Variants in ULK4 observed in about 807,000 individuals in gnomAD.
The protein encoded by ULK4 is unc-51 like kinase 4, also known as inactive serine/threonine-protein kinase ULK4.
A neutral mutation model predicts 160.6 loss-of-function variants in ULK4; 133 were observed. That is an observed-to-expected ratio of 0.83 (90% CI 0.72 to 0.96). The LOEUF (loss-of-function observed/expected upper bound fraction) is 0.96. Ranked by LOEUF, ULK4 falls within the 40% of genes least tolerant of loss-of-function variation. The pLI is 0.00. For missense variants in ULK4, 1,580 were observed against 1,499.5 expected (o/e 1.05, Z -0.89); for synonymous variants, 534 against 539.8 (o/e 0.99, Z 0.15).
At chr3:41,589,960 T>C (rs1003991090) in intron 31 of ULK4, among the ~76,000 whole-genome samples, 4 of 151,240 alleles carry the variant, frequency 2.6e-5, no homozygotes, top group Admixed American at 6.6e-5. Flanking sequence ...GGAAAATGAA[T>C]AGAATGAGAT....
intron 35 of ULK4, among the ~76,000 whole-genome samples, chr3:41,390,304 T>C (rs962891144): frequency 7.9e-5 from 12 of 152,090 alleles, no homozygotes; most frequent in Non-Finnish European, 1.2e-4. Flanking sequence ...TTTGTTGATC[T>C]TTTCAAAAAC....
At chr3:41,712,903 A>C (rs760465784) in intron 25 of ULK4, among the ~76,000 whole-genome samples, 2 of 152,030 alleles carry the variant, frequency 1.3e-5, no homozygotes, top group African/African-American at 4.8e-5. Context: ...AAAAAGAAAA[A>C]AAGCAAAAAA....
chr3:41,506,767 AATAT>A lies in ULK4; in HGVS notation c.3227-43518_3227-43515del, dbSNP rs71075470. Among the ~76,000 whole-genome samples the A allele has an allele frequency of 1.6e-3, 92 of 56,792 alleles. 4 individuals are homozygous for A. The highest frequency in any genetic ancestry group is 5.5e-3 in the African/African-American group (67 of 12,246). The allele number at this position is 56,792 out of a possible 152,430, so 37.3% of individuals were successfully genotyped here. A position where few individuals can be genotyped will look rare whatever the true frequency, so the allele number is the denominator to read the frequency against. ...AGCAATACACTGGAGTGTGATTTAAAATATATATATATATATATATATATATATA... is the reference window on the plus strand; with the variant it reads ...AGCAATACACTGGAGTGTGATTTAAAATATATATATATATATATATATATA... On this transcript the variant is annotated intron_variant, in intron 32 of 36. Coordinates refer to ENST00000301831, the MANE Select transcript of ULK4 (RefSeq NM_017886.4).
At chr3:41,274,999 T>C (rs1417623194) in intron 35 of ULK4, among the ~76,000 whole-genome samples, 2 of 152,240 alleles carry the variant, frequency 1.3e-5, no homozygotes, top group Non-Finnish European at 2.9e-5. Context: ...TGCTCTACAC[T>C]GCCCACTAAA....
chr3:41,345,552 C>T (rs148705834), intron 35 of ULK4, among the ~76,000 whole-genome samples: 32 of 152,290 alleles, frequency 2.1e-4, no homozygotes, highest in African/African-American at 7.7e-4. Flanking sequence ...CATGTTCTCA[C>T]TTGTAAGTGG....
intron 21 of ULK4, among the ~76,000 whole-genome samples, chr3:41,774,479 T>C (rs1215516132): frequency 2.7e-5 from 4 of 149,754 alleles, no homozygotes; most frequent in Non-Finnish European, 5.9e-5. Context: ...AAAATACTCA[T>C]CATCACTGGC....
chr3:41,528,660 T>C (rs575781633), intron 32 of ULK4, among the ~76,000 whole-genome samples: 2 of 152,348 alleles, frequency 1.3e-5, no homozygotes, highest in South Asian at 2.1e-4. Flanking sequence ...ATATGCTTTG[T>C]AGCACTATAA....
chr3:41,406,045 A>G (rs567357036), intron 34 of ULK4, among the ~76,000 whole-genome samples: 42 of 152,074 alleles, frequency 2.8e-4, no homozygotes, highest in Non-Finnish European at 5.1e-4. Context: ...ATTTTCCAAG[A>G]CCTATGTCCA....
intron 35 of ULK4, among the ~76,000 whole-genome samples, chr3:41,332,245 T>C (rs1343331548): frequency 6.6e-6 from 1 of 152,058 alleles, no homozygotes; most frequent in African/African-American, 2.4e-5. Flanking sequence ...AAACCTATGT[T>C]TCCATTTCAA....
At chr3:41,589,430 C>CAAAAAAAAAA (rs34913730) in intron 31 of ULK4, among the ~76,000 whole-genome samples, 2 of 72,114 alleles carry the variant, frequency 2.8e-5, no homozygotes, top group African/African-American at 5.4e-5. Flanking sequence ...AAGGCCAGGC[C>CAAAAAAAAAA]AAAAAAAAAA....
intron 32 of ULK4, 28 bp from the exon 33 acceptor site, chr3:41,463,281 A>G: frequency 6.2e-7 from 1 of 1,601,676 alleles, no homozygotes; most frequent in Non-Finnish European, 8.5e-7. Flanking sequence ...AAAGAAAAAA[A>G]CCTCATCATT....
chr3:41,868,800 C>A lies in ULK4; in HGVS notation c.1656+15074G>T, dbSNP rs7624144. Among the ~76,000 whole-genome samples the A allele has an allele frequency of 3.1e-3, 469 of 151,430 alleles. 1 individual carries two copies. Among genetic ancestry groups the A allele is most frequent in the African/African-American group, 0.011 (445 of 41,326 alleles). ...GTGTGAGCCACTGGACCAGCTAGGTCTTTTTTTTCCCCCCCAATATGACAA... is the reference window on the plus strand; with the variant it reads ...GTGTGAGCCACTGGACCAGCTAGGTATTTTTTTTCCCCCCCAATATGACAA... On this transcript the variant is annotated intron_variant, in intron 17 of 36. Transcript: ENST00000301831.
rs80089431 is a variant in ULK4, at chr3:41,946,962, A to G, written c.138+7660T>C. 7.0e-3 allele frequency among the ~76,000 whole-genome samples: 1,032 copies of G among 146,916 alleles called. 10 individuals are homozygous for G. Among genetic ancestry groups the G allele is most frequent in the African/African-American group, 0.024 (990 of 41,118 alleles). ...TGACGGACTCCAAAATGCTATCAAA[A>G]TATGATCACAGAAGGGGATGATACT... On this transcript the variant is annotated intron_variant, in intron 2 of 36. Transcript: ENST00000301831.
chr3:41,511,659 A>C (rs2085582214), intron 32 of ULK4, among the ~76,000 whole-genome samples: 1 of 150,220 alleles, frequency 6.7e-6, no homozygotes, highest in Non-Finnish European at 1.5e-5. Context: ...AATTGCCAAC[A>C]ACAAAAAAAA....
At chr3:41,956,335 G>T (rs557088250) in intron 1 of ULK4, among the ~76,000 whole-genome samples, 88 of 152,292 alleles carry the variant, frequency 5.8e-4, no homozygotes, top group African/African-American at 2.0e-3. Context: ...GGGGGTATTT[G>T]GACCGGGTAT....
chr3:41,657,779 G>A lies in ULK4; in HGVS notation c.3071+5828C>T, dbSNP rs371549069. On this transcript the variant is annotated intron_variant, in intron 30 of 36. Transcript: ENST00000301831. Reference sequence around the variant, plus strand: ...TACAGTGAGCTGAGATCACACCACTGCACTGCAGCCTAGGTGACAAAGCGA... The same window carrying A: ...TACAGTGAGCTGAGATCACACCACTACACTGCAGCCTAGGTGACAAAGCGA... Among the ~76,000 whole-genome samples the A allele has an allele frequency of 1.5e-3, 211 of 139,872 alleles. 1 individual carries two copies. Among genetic ancestry groups the A allele is most frequent in the African/African-American group, 5.9e-3 (204 of 34,468 alleles). 91.8% of individuals were successfully genotyped at this position (139,872 alleles called of 152,430 possible).
chr3:41,386,420 C>T (rs2081810592), intron 35 of ULK4, among the ~76,000 whole-genome samples: 2 of 151,868 alleles, frequency 1.3e-5, no homozygotes, highest in African/African-American at 2.4e-5. Flanking sequence ...TAATAATATC[C>T]CAGGTATAAG....
intron 17 of ULK4, among the ~76,000 whole-genome samples, chr3:41,840,865 T>TGGCCGCCCCGTCC (rs2041896744): frequency 6.7e-6 from 1 of 150,272 alleles, no homozygotes; most frequent in African/African-American, 2.5e-5. Context: ...CCCCTCTGCC[T>TGGCCGCCCCGTCC]GGCTGCCCCA....
At chr3:41,886,341 C>G (rs1697719717) in intron 16 of ULK4, among the ~76,000 whole-genome samples, 1 of 152,234 alleles carries the variant, frequency 6.6e-6, no homozygotes, top group South Asian at 2.1e-4. Flanking sequence ...AGGGCTGTAT[C>G]CCGATCGCCA....
Sources: allele counts gnomAD v4.1 joint callset (sites outside exome capture counted in the v4.1 genomes callset), GRCh38; gene constraint gnomAD v4.1.1; transcripts MANE v1.5; gene names NCBI Gene and HGNC (gene_info 2026-07-23, HGNC 2026-07-21).